ZNF486: variants seen among roughly 807,000 people sequenced by gnomAD.
The protein encoded by ZNF486 is zinc finger protein 486.
Under a neutral mutation model 12.8 loss-of-function variants are expected in ZNF486, and 12 were observed. The ratio of observed to expected loss-of-function variants is 0.94; its 90% CI spans 0.60 to 1.52. The LOEUF is 1.52. Ranked by LOEUF, ZNF486 falls within the 40% of genes most tolerant of loss-of-function variation. The pLI is 0.00. For synonymous variants in ZNF486, 231 were observed against 184.9 expected, an observed-to-expected ratio of 1.25 and a Z score of -2.02; for missense variants, 738 against 545.0, an observed-to-expected ratio of 1.35 and a Z score of -3.53.
At chr19:20,176,291 C>T (rs1203921380) in intron 1 of ZNF486, 1 of 186,890 alleles carries the variant, frequency 5.4e-6, no homozygotes, top group African/African-American at 2.5e-5. Context: ...AGGTGCTCGT[C>T]ACTTCCTAGA....
intron 1 of ZNF486, among the ~76,000 whole-genome samples, chr19:20,178,381 C>A (rs781828137): frequency 6.6e-6 from 1 of 151,986 alleles, no homozygotes; most frequent in Non-Finnish European, 1.5e-5. Flanking sequence ...ATAGCTGGGA[C>A]TACAGGCTCC....
chr19:20,186,675 GA>G (rs1209097377), intron 3 of ZNF486, among the ~76,000 whole-genome samples: 4 of 151,108 alleles, frequency 2.6e-5, no homozygotes, highest in East Asian at 2.0e-4. Flanking sequence ...CCATTACTAT[GA>G]AAAAAATACC....
At chr19:20,170,536 T>C (rs2089637674) in intron 1 of ZNF486, among the ~76,000 whole-genome samples, 1 of 151,582 alleles carries the variant, frequency 6.6e-6, no homozygotes, top group Non-Finnish European at 1.5e-5. Context: ...ATGGTGCCAC[T>C]GCACTCCAGC....
In ZNF486 at chr19:20,197,931, A is replaced by G. The variant is rs1425204050; in HGVS notation, c.1221A>G (p.Lys407=). The stretch of plus-strand genomic sequence containing the variant: ...CTCATACTGGAGAGAAACCCTACAA[A>G]TGTGAAGAATGTGGCAAAGCGTATA... The part of the protein sequence containing the change: ...RRTHTGEKPY[K]CEECGKAYTT... Residue 407 remains lysine, a synonymous_variant, in exon 4 of 4, where the codon AAA becomes AAG. Transcript: ENST00000335117. 9 of 1,613,394 alleles carry G rather than the reference A, an allele frequency of 5.6e-6. No individual in the cohort carries two copies. The highest frequency in any genetic ancestry group is 6.8e-6 in the Non-Finnish European group (8 of 1,179,676).
At chr19:20,185,649 C>T (rs572479447) in intron 2 of ZNF486, among the ~76,000 whole-genome samples, 2 of 151,794 alleles carry the variant, frequency 1.3e-5, no homozygotes, top group East Asian at 3.9e-4. Flanking sequence ...ACCTTGTGAT[C>T]CACCCATCTT....
chr19:20,196,780 T>C (rs2089962401), intron 3 of ZNF486, among the ~76,000 whole-genome samples, 184 bp from the exon 4 acceptor site: 1 of 152,224 alleles, frequency 6.6e-6, no homozygotes, highest in African/African-American at 2.4e-5. Context: ...TATAAATTTT[T>C]TACAAATGTA....
chr19:20,177,791 G>T (rs2089737274), intron 1 of ZNF486, among the ~76,000 whole-genome samples: 1 of 152,126 alleles, frequency 6.6e-6, no homozygotes. Context: ...GGCCAGGCTG[G>T]TCTCAAACTC....
chr19:20,192,818 T>C (rs1444852766), intron 3 of ZNF486, among the ~76,000 whole-genome samples: 1 of 152,202 alleles, frequency 6.6e-6, no homozygotes, highest in African/African-American at 2.4e-5. Flanking sequence ...CTTGAACTCA[T>C]GGGATCAAGT....
At position 20,170,380 on chromosome 19, in the gene ZNF486, A is replaced by G. The variant is rs1170082903; in HGVS notation, c.30+3020A>G. ...AACACCTGAGGTCACAGCCTGGCCAACACGGTGAAAACATGGTGTCTACTA... is the reference window on the plus strand; with the variant it reads ...AACACCTGAGGTCACAGCCTGGCCAGCACGGTGAAAACATGGTGTCTACTA... On this transcript the variant is annotated intron_variant, in intron 1 of 3. Transcript: ENST00000335117. Among the ~76,000 whole-genome samples, 3 of 151,918 alleles carry G rather than the reference A, an allele frequency of 2.0e-5. 1 individual carries two copies. Among genetic ancestry groups the G allele is most frequent in the Non-Finnish European group, 4.4e-5 (3 of 67,976 alleles).
At chr19:20,193,445 A>G (rs986175966) in intron 3 of ZNF486, among the ~76,000 whole-genome samples, 11 of 152,082 alleles carry the variant, frequency 7.2e-5, no homozygotes, top group Middle Eastern at 6.8e-3. Context: ...GTGAATCAGA[A>G]GGTCAGGAGT....
At position 20,167,215 on chromosome 19, in the gene ZNF486, T is replaced by G. The variant is rs782618759; in HGVS notation, c.-116T>G. ...GCTTCCGGGTTTGGCGCGGCCTTTG[T>G]CTCTCGCTGCATCTGGAGCTCTAGG... On this transcript the variant is annotated 5_prime_UTR_variant, in exon 1 of 4. Coordinates refer to ENST00000335117, the MANE Select transcript of ZNF486 (RefSeq NM_052852.4). The G allele has an allele frequency of 7.5e-7, 1 of 1,336,362 alleles. No individual in the cohort carries two copies. Among genetic ancestry groups the G allele is most frequent in the East Asian group, 2.3e-5 (1 of 43,134 alleles). 82.8% of individuals were successfully genotyped at this position (1,336,362 alleles called of 1,614,324 possible). A position where few individuals can be genotyped will look rare whatever the true frequency, so the allele number is the denominator to read the frequency against.
intron 1 of ZNF486, among the ~76,000 whole-genome samples, chr19:20,172,280 G>C (rs2089656502): frequency 6.6e-6 from 1 of 151,736 alleles, no homozygotes; most frequent in Admixed American, 6.6e-5. Flanking sequence ...TGGGATTACA[G>C]GTGTGAGCCA....
chr19:20,185,722 T>C (rs1484251651), intron 2 of ZNF486, among the ~76,000 whole-genome samples: 6 of 151,744 alleles, frequency 4.0e-5, no homozygotes, highest in African/African-American at 1.5e-4. Context: ...TTATGGTTTT[T>C]AAAGTACTGC....
chr19:20,167,326 C>T lies in ZNF486; in HGVS notation c.-5C>T. The T allele has an allele frequency of 6.2e-7, 1 of 1,614,024 alleles. No homozygotes were observed. The highest frequency in any genetic ancestry group is 1.3e-5 in the African/African-American group (1 of 75,038). On this transcript the variant is annotated 5_prime_UTR_variant, in exon 1 of 4. Coordinates refer to ENST00000335117, the MANE Select transcript of ZNF486 (RefSeq NM_052852.4). ...CCTGTAGGTATTGGGAGATCCACAG[C>T]CAAGATGCCGGGACCCCTTAGAAGC...
At chr19:20,185,761 G>T (rs1409420747) in intron 2 of ZNF486, among the ~76,000 whole-genome samples, 5 of 143,148 alleles carry the variant, frequency 3.5e-5, no homozygotes, top group African/African-American at 1.3e-4. Context: ...AAGATTGTAT[G>T]ATCTATAAAC....
chr19:20,175,000 T>C (rs2089689959), intron 1 of ZNF486: 1 of 152,224 alleles, frequency 6.6e-6, no homozygotes, highest in South Asian at 2.1e-4. Context: ...CATAGTCAGA[T>C]TCTATTTCTT....
intron 3 of ZNF486, among the ~76,000 whole-genome samples, chr19:20,192,699 C>T (rs572537526): frequency 3.9e-5 from 6 of 152,334 alleles, no homozygotes; most frequent in South Asian, 4.1e-4. Context: ...AGATGATCCT[C>T]TCATTTTAGC....
intron 3 of ZNF486, among the ~76,000 whole-genome samples, chr19:20,196,424 G>A (rs781908973): frequency 2.0e-5 from 3 of 152,176 alleles, no homozygotes; most frequent in Non-Finnish European, 2.9e-5. Context: ...CGTCTCCTGG[G>A]TTCAAGAAAT....
rs190584083 is a variant in ZNF486, at chr19:20,189,144, A to C, written c.253+3062A>C. 2.4e-3 allele frequency among the ~76,000 whole-genome samples: 369 copies of C among 152,102 alleles called. 4 individuals are homozygous for C. Among genetic ancestry groups the C allele is most frequent in the African/African-American group, 8.4e-3 (349 of 41,422 alleles). The stretch of plus-strand genomic sequence containing the variant: ...GGCTGAAGTGCAGTGGTGTGATATC[A>C]GCTCACTGAAACCTCTGCCTCCTGG... On this transcript the variant is annotated intron_variant, in intron 3 of 3. Transcript: ENST00000335117.
Sources: allele counts gnomAD v4.1 joint callset (sites outside exome capture counted in the v4.1 genomes callset), GRCh38; gene constraint gnomAD v4.1.1; transcripts MANE v1.5; gene names NCBI Gene and HGNC (gene_info 2026-07-23, HGNC 2026-07-21).